GREB1L: variants seen among roughly 807,000 people sequenced by gnomAD.
GREB1L encodes the protein GREB1-like protein.
In GREB1L, 17 loss-of-function variants were observed where a neutral mutation model predicts 200.8. The observed-to-expected ratio is 0.08, with a 90% CI of 0.06 to 0.13. The LOEUF is 0.13. GREB1L is among the 10% of genes least tolerant of loss of function. The probability of loss-of-function intolerance (pLI) is 1.00; values close to 1 mark genes in which losing one functional copy is unlikely to be tolerated. For missense variants in GREB1L, 1,657 were observed against 2,367.7 expected (o/e 0.70, Z 6.23); for synonymous variants, 789 against 893.0 (o/e 0.88, Z 2.08).
At chr18:21,338,580 A>G (rs181006239) in intron 1 of GREB1L, among the ~76,000 whole-genome samples, 18 of 152,330 alleles carry the variant, frequency 1.2e-4, no homozygotes, top group African/African-American at 4.1e-4. Context: ...ATCTCTGGGC[A>G]CCAGGCCTCA....
At chr18:21,403,191 C>T (rs1278159246) in intron 6 of GREB1L, among the ~76,000 whole-genome samples, 5 of 151,962 alleles carry the variant, frequency 3.3e-5, no homozygotes. Context: ...GTTAACAGTC[C>T]CACAGGCTGT....
chr18:21,472,905 C>T (rs1265721883), intron 15 of GREB1L, 126 bp from the exon 16 acceptor site: 4 of 568,012 alleles, frequency 7.0e-6, no homozygotes, highest in Non-Finnish European at 1.2e-5. Context: ...GAAAAAACAT[C>T]TGCTCTGTAA....
chr18:21,257,196 C>CT (rs1201428326), intron 1 of GREB1L, among the ~76,000 whole-genome samples: 1 of 151,978 alleles, frequency 6.6e-6, no homozygotes, highest in Non-Finnish European at 1.5e-5. Flanking sequence ...TCGATCTCAA[C>CT]TGACCTGGTG....
chr18:21,482,584 C>A (rs1265794912), intron 17 of GREB1L, among the ~76,000 whole-genome samples: 2 of 149,268 alleles, frequency 1.3e-5, no homozygotes, highest in East Asian at 3.9e-4. Flanking sequence ...TTGTGGAGGG[C>A]AGATGAGACT....
chr18:21,267,189 CTTTTTT>C lies in GREB1L; in HGVS notation c.-120+24812_-120+24817del, dbSNP rs751150056. On this transcript the variant is annotated intron_variant, in intron 1 of 32. Transcript: ENST00000424526. ...CCTCGTGATCTGCCTGCCTCGGCCG[CTTTTTT>C]TTTTTTTTTTTTTTTGAGACGGAGC... Among the ~76,000 whole-genome samples the C allele has an allele frequency of 4.1e-3, 446 of 108,748 alleles. 5 individuals are homozygous for C. Among genetic ancestry groups the C allele is most frequent in the African/African-American group, 0.015 (410 of 28,222 alleles). 71.3% of individuals were successfully genotyped at this position (108,748 alleles called of 152,430 possible).
chr18:21,440,616 G>A (rs1189485559), intron 9 of GREB1L, among the ~76,000 whole-genome samples: 15 of 152,122 alleles, frequency 9.9e-5, no homozygotes, highest in Non-Finnish European at 1.5e-5. Flanking sequence ...AAAGCCATTC[G>A]TTATATGGGA....
At chr18:21,423,415 G>C (rs1417830251) in intron 7 of GREB1L, among the ~76,000 whole-genome samples, 2 of 152,118 alleles carry the variant, frequency 1.3e-5, no homozygotes, top group Non-Finnish European at 2.9e-5. Flanking sequence ...CTTAGGTGCA[G>C]GTTGTTTATT....
intron 2 of GREB1L, among the ~76,000 whole-genome samples, chr18:21,372,069 GATTA>G (rs1392180974): frequency 1.3e-5 from 2 of 151,914 alleles, no homozygotes; most frequent in East Asian, 3.9e-4. Context: ...AATGCTGAGT[GATTA>G]ATTGTTAAAG....
At chr18:21,359,673 C>T (rs564723657) in intron 1 of GREB1L, among the ~76,000 whole-genome samples, 122 of 152,312 alleles carry the variant, frequency 8.0e-4, no homozygotes, top group Non-Finnish European at 1.4e-3. Context: ...TCCTACCAGA[C>T]AGGAACTGCT....
At chr18:21,481,278 C>A (rs1444337671) in intron 17 of GREB1L, among the ~76,000 whole-genome samples, 1 of 151,764 alleles carries the variant, frequency 6.6e-6, no homozygotes, top group Non-Finnish European at 1.5e-5. Flanking sequence ...ACAGTGTGGG[C>A]AGGGGACACA....
chr18:21,298,375 G>A (rs1291132561), intron 1 of GREB1L, among the ~76,000 whole-genome samples: 5 of 151,966 alleles, frequency 3.3e-5, no homozygotes, highest in Non-Finnish European at 7.4e-5. Flanking sequence ...AGTAACTGTG[G>A]TATCTACTTA....
chr18:21,280,007 G>A (rs1412058527), intron 1 of GREB1L, among the ~76,000 whole-genome samples: 1 of 152,090 alleles, frequency 6.6e-6, no homozygotes, highest in Non-Finnish European at 1.5e-5. Flanking sequence ...TAGTATATTT[G>A]TTACAGTTGA....
At chr18:21,484,268 G>A (rs547372899) in intron 17 of GREB1L, among the ~76,000 whole-genome samples, 13 of 150,278 alleles carry the variant, frequency 8.7e-5, no homozygotes, top group Non-Finnish European at 8.9e-5. Flanking sequence ...CTCCACCTCC[G>A]GGTTCAAGGT....
At chr18:21,459,279 C>CTTTTTTTTTTTTTTTTTTTTTTTTTTAT (rs746568414) in intron 15 of GREB1L, among the ~76,000 whole-genome samples, 2 of 85,918 alleles carry the variant, frequency 2.3e-5, no homozygotes, top group Non-Finnish European at 4.2e-5. Flanking sequence ...TTTTTCTTTA[C>CTTTTTTTTTTTTTTTTTTTTTTTTTTAT]TTTTTTTTTT....
rs543415601 is a variant in GREB1L, at chr18:21,455,857, C to G, written c.2182+1294C>G. Among the ~76,000 whole-genome samples the G allele has an allele frequency of 1.3e-3, 198 of 148,510 alleles. 2 individuals carry two copies. Among genetic ancestry groups the G allele is most frequent in the African/African-American group, 4.6e-3 (186 of 40,294 alleles). ...GGATCTTGCTAAAATGCAGATTCCA[C>G]TTCAGTGAGTCTGGGTTGTGCTCCG... On this transcript the variant is annotated intron_variant, in intron 15 of 32. Coordinates refer to ENST00000424526, the MANE Select transcript of GREB1L (RefSeq NM_001142966.3).
intron 1 of GREB1L, among the ~76,000 whole-genome samples, chr18:21,261,363 C>T (rs1031278574): frequency 1.3e-5 from 2 of 152,040 alleles, no homozygotes; most frequent in Non-Finnish European, 2.9e-5. Flanking sequence ...ATTTGAAGCT[C>T]TGTAATTTTG....
At chr18:21,517,553 C>T (rs930352990) in intron 30 of GREB1L, among the ~76,000 whole-genome samples, 1 of 152,106 alleles carries the variant, frequency 6.6e-6, no homozygotes, top group Admixed American at 6.5e-5. Flanking sequence ...CCAGTCTGAT[C>T]CTTTGCTAGA....
At chr18:21,507,009 C>G (rs1237848805) in intron 25 of GREB1L, among the ~76,000 whole-genome samples, 1 of 152,182 alleles carries the variant, frequency 6.6e-6, no homozygotes, top group East Asian at 1.9e-4. Flanking sequence ...AGGGCCAGGT[C>G]GTCACCCTTT....
At chr18:21,490,709 C>T (rs2036300282) in intron 19 of GREB1L, among the ~76,000 whole-genome samples, 1 of 152,172 alleles carries the variant, frequency 6.6e-6, no homozygotes, top group South Asian at 2.1e-4. Context: ...CCTCTCAGAC[C>T]TCTGTGGGGT....
Sources: gnomAD v4.1 joint callset for allele counts (sites outside exome capture counted in the v4.1 genomes callset) on GRCh38, gnomAD v4.1.1 for gene constraint, MANE v1.5 for transcripts, NCBI Gene and HGNC (gene_info 2026-07-23, HGNC 2026-07-21) for gene names.